VAV2: variants seen among roughly 807,000 people sequenced by gnomAD.
VAV2 encodes vav guanine nucleotide exchange factor 2.
A neutral mutation model predicts 132.5 loss-of-function variants in VAV2; 67 were observed. The ratio of observed to expected loss-of-function variants is 0.51; its 90% CI spans 0.42 to 0.62. The LOEUF is 0.62. Ranked by LOEUF, VAV2 falls within the 20% of genes least tolerant of loss-of-function variation. VAV2 has a pLI of 0.00. For synonymous variants in VAV2, 492 were observed against 443.5 expected, an observed-to-expected ratio of 1.11 and a Z score of -1.37; for missense variants, 938 against 1,153.6, an observed-to-expected ratio of 0.81 and a Z score of 2.71.
At chr9:133,808,727 G>T (rs550832131) in intron 7 of VAV2, among the ~76,000 whole-genome samples, 210 of 152,312 alleles carry the variant, frequency 1.4e-3, no homozygotes, top group Middle Eastern at 3.4e-3. Flanking sequence ...GGGGGAATAC[G>T]CGAGGAGCTA....
At chr9:133,906,297 A>C (rs1839651109) in intron 2 of VAV2, among the ~76,000 whole-genome samples, 1 of 151,970 alleles carries the variant, frequency 6.6e-6, no homozygotes, top group African/African-American at 2.4e-5. Flanking sequence ...CCACGAGGGG[A>C]CCTCTATTAA....
At chr9:133,980,308 G>A (rs910244038) in intron 1 of VAV2, among the ~76,000 whole-genome samples, 4 of 152,178 alleles carry the variant, frequency 2.6e-5, no homozygotes, top group African/African-American at 4.8e-5. Flanking sequence ...AGACTGGCCC[G>A]TCACCTGTCC....
chr9:133,813,030 C>T (rs1262268182), intron 4 of VAV2, among the ~76,000 whole-genome samples: 1 of 152,198 alleles, frequency 6.6e-6, no homozygotes, highest in African/African-American at 2.4e-5. Context: ...CCTCCTGATG[C>T]TCCACACCTG....
chr9:133,893,877 CCA>C (rs1157884540), intron 2 of VAV2, among the ~76,000 whole-genome samples: 1 of 152,214 alleles, frequency 6.6e-6, no homozygotes, highest in Non-Finnish European at 1.5e-5. Context: ...CCCACGTGTA[CCA>C]CACACACAGT....
At chr9:133,814,943 T>C (rs1469114824) in intron 4 of VAV2, among the ~76,000 whole-genome samples, 1 of 152,184 alleles carries the variant, frequency 6.6e-6, no homozygotes. Flanking sequence ...TGCACTGCCA[T>C]TTACTGAGGA....
chr9:133,940,649 T>C (rs1272934833), intron 1 of VAV2, among the ~76,000 whole-genome samples: 3 of 146,034 alleles, frequency 2.1e-5, no homozygotes, highest in Non-Finnish European at 4.5e-5. Context: ...TGTTTTATCC[T>C]AGAGTCCCTC....
At chr9:133,796,695 AG>A (rs113674562) in intron 10 of VAV2, among the ~76,000 whole-genome samples, 171 bp from the exon 11 acceptor site, 14 of 151,914 alleles carry the variant, frequency 9.2e-5, no homozygotes, top group East Asian at 1.9e-4. Flanking sequence ...GTGTGTGCAG[AG>A]GGGGGGGCTT....
chr9:133,827,228 C>T (rs1443788446), intron 4 of VAV2, among the ~76,000 whole-genome samples: 1 of 107,648 alleles, frequency 9.3e-6, no homozygotes, highest in Non-Finnish European at 2.0e-5. Context: ...TACTGCTGTG[C>T]CCACTGGGGC....
At chr9:133,924,099 C>A (rs1360516610) in intron 2 of VAV2, among the ~76,000 whole-genome samples, 1 of 152,092 alleles carries the variant, frequency 6.6e-6, no homozygotes, top group Admixed American at 6.5e-5. Context: ...TGTATCAAAC[C>A]TGCAGATTGT....
chr9:133,810,095 G>T (rs1835302675), intron 6 of VAV2, 96 bp downstream of exon 6: 3 of 1,561,218 alleles, frequency 1.9e-6, no homozygotes, highest in South Asian at 2.3e-5. Context: ...TGGGGGCAGG[G>T]TCCCGAGTTT....
At chr9:133,795,809 CAGG>C in intron 11 of VAV2, 73 bp from the exon 12 acceptor site, 1 of 1,547,184 alleles carries the variant, frequency 6.5e-7, no homozygotes, top group Non-Finnish European at 8.9e-7. Flanking sequence ...CTACCTGGGG[CAGG>C]AGGTGTGCAC....
chr9:133,874,000 T>C (rs1456775520), intron 2 of VAV2, among the ~76,000 whole-genome samples: 1 of 152,014 alleles, frequency 6.6e-6, no homozygotes, highest in Non-Finnish European at 1.5e-5. Context: ...TTCATTTTAT[T>C]CCCTCAAAAC....
intron 1 of VAV2, among the ~76,000 whole-genome samples, chr9:133,977,551 C>T (rs1377191262): frequency 1.3e-5 from 2 of 152,228 alleles, no homozygotes; most frequent in African/African-American, 4.8e-5. Context: ...GCCAGTCACC[C>T]TCCACGCATG....
chr9:133,978,278 G>A (rs1007858025), intron 1 of VAV2, among the ~76,000 whole-genome samples: 5 of 152,206 alleles, frequency 3.3e-5, no homozygotes, highest in Admixed American at 3.3e-4. Flanking sequence ...TCCAGCCACT[G>A]CAGAAAGGAT....
At chr9:133,889,556 T>C (rs1236673939) in intron 2 of VAV2, among the ~76,000 whole-genome samples, 1 of 152,162 alleles carries the variant, frequency 6.6e-6, no homozygotes, top group African/African-American at 2.4e-5. Flanking sequence ...ATAGCTTGCC[T>C]TGGGGCAGGT....
In VAV2 at chr9:133,863,856, G is replaced by A. The variant is rs190705612; in HGVS notation, c.322-2424C>T. On this transcript the variant is annotated intron_variant, in intron 2 of 29. Coordinates refer to ENST00000371850, the MANE Select transcript of VAV2 (RefSeq NM_001134398.2). The surrounding 1 kb of genome is among the most constrained non-coding windows in gnomAD (Gnocchi z 5.0). ...GACACCGGACCCCTGAGATAGCCAT[G>A]GGGTCAGATGGGGCAAAGCCGGCCC... Among the ~76,000 whole-genome samples, 67 of 152,268 alleles carry A rather than the reference G, an allele frequency of 4.4e-4. No individual in the cohort carries two copies. Among genetic ancestry groups the A allele is most frequent in the Middle Eastern group, 3.4e-3 (1 of 294 alleles).
chr9:133,805,404 A>G (rs374113251), intron 9 of VAV2, among the ~76,000 whole-genome samples: 2 of 152,160 alleles, frequency 1.3e-5, no homozygotes, highest in African/African-American at 4.8e-5. Context: ...AGAGCTTGGC[A>G]CCGTCCCCTG....
At chr9:133,784,256 T>C in intron 18 of VAV2, 61 bp downstream of exon 18, 1 of 1,549,814 alleles carries the variant, frequency 6.5e-7, no homozygotes, top group Non-Finnish European at 8.9e-7. Context: ...CACTAAGCTC[T>C]CTCAGGGGCC....
chr9:133,818,760 T>G (rs1187003559), intron 4 of VAV2, among the ~76,000 whole-genome samples: 1 of 152,200 alleles, frequency 6.6e-6, no homozygotes, highest in Non-Finnish European at 1.5e-5. Flanking sequence ...CATCTGAGGG[T>G]TGGCTTCTAT....
Sources: allele counts gnomAD v4.1 joint callset (sites outside exome capture counted in the v4.1 genomes callset), GRCh38; gene constraint gnomAD v4.1.1; non-coding constraint Gnocchi (gnomAD v3.1); transcripts MANE v1.5; gene names NCBI Gene and HGNC (gene_info 2026-07-23, HGNC 2026-07-21).